The following SHCBP1 variants were observed in gnomAD, a reference collection of about 807,000 sequenced individuals.
SHCBP1 encodes the protein SHC SH2 domain-binding protein 1.
Under a neutral mutation model 75.1 loss-of-function variants are expected in SHCBP1, and 60 were observed. The ratio of observed to expected loss-of-function variants is 0.80; its 90% CI spans 0.65 to 0.99. SHCBP1 has a LOEUF of 0.99. SHCBP1 is among the 50% of genes least tolerant of loss of function. The pLI is 0.00. For missense variants in SHCBP1, 709 were observed against 809.4 expected (o/e 0.88, Z 1.50); for synonymous variants, 290 against 293.2 (o/e 0.99, Z 0.11).
rs1965297965 is a variant in SHCBP1, at chr16:46,604,613, T to C, written c.690-152A>G. 6 of 573,948 alleles carry C rather than the reference T, an allele frequency of 1.0e-5. No homozygotes were observed. The East Asian group carries it at 1.4e-4, about 14-fold the overall frequency. 35.6% of individuals were successfully genotyped at this position (573,948 alleles called of 1,614,324 possible). Reference sequence around the variant, plus strand: ...GTCTTTCTGAATAGCACTGTAATAATAATAATAATAAGTGGAAGCTGTTGA... The same window carrying C: ...GTCTTTCTGAATAGCACTGTAATAACAATAATAATAAGTGGAAGCTGTTGA... On this transcript the variant is annotated intron_variant, in intron 5 of 12. Transcript: ENST00000303383.
At chr16:46,615,765 T>G (rs1380588714) in intron 4 of SHCBP1, among the ~76,000 whole-genome samples, 181 bp downstream of exon 4, 1 of 152,086 alleles carries the variant, frequency 6.6e-6, no homozygotes, top group African/African-American at 2.4e-5. Context: ...AAAAAAAGAT[T>G]TAAAACATTT....
intron 10 of SHCBP1, among the ~76,000 whole-genome samples, chr16:46,586,695 T>A (rs1964959447): frequency 6.6e-6 from 1 of 152,046 alleles, no homozygotes; most frequent in Non-Finnish European, 1.5e-5. Context: ...AAAACAAAAA[T>A]CTTGAAAGCA....
intron 5 of SHCBP1, among the ~76,000 whole-genome samples, chr16:46,606,071 T>TA (rs1412273814): frequency 1.3e-5 from 2 of 152,188 alleles, no homozygotes; most frequent in African/African-American, 4.8e-5. Flanking sequence ...ACTCAAATTT[T>TA]AAAATAAGTC....
At chr16:46,620,758 C>T (rs1532752) in intron 1 of SHCBP1, 146,374 of 153,128 alleles carry the variant, frequency 0.96, 70,294 homozygotes, top group East Asian at 1. Context: ...ACTAGAAGAC[C>T]CCGGTTCTAT....
In SHCBP1 at chr16:46,595,356, T is replaced by G. The variant is rs1473262280; in HGVS notation, c.1464+196A>C. 2.0e-5 allele frequency among the ~76,000 whole-genome samples: 3 copies of G among 152,218 alleles called. No individual in the cohort carries two copies. In the East Asian group the frequency reaches 5.8e-4, roughly 29 times the overall value. Reference sequence around the variant, plus strand: ...CTCTTAAAGCTACATAAAGTCATTGTGAGATGTATTACTTTTCTTCCTATC... The same window carrying G: ...CTCTTAAAGCTACATAAAGTCATTGGGAGATGTATTACTTTTCTTCCTATC... On this transcript the variant is annotated intron_variant, in intron 10 of 12. Transcript: ENST00000303383.
intron 5 of SHCBP1, among the ~76,000 whole-genome samples, chr16:46,607,613 C>T (rs1042925357): frequency 6.6e-6 from 1 of 152,080 alleles, no homozygotes; most frequent in East Asian, 1.9e-4. Flanking sequence ...AAATTACCTT[C>T]TACAATTATT....
At chr16:46,615,852 G>C in intron 4 of SHCBP1, 94 bp downstream of exon 4, 1 of 1,083,038 alleles carries the variant, frequency 9.2e-7, no homozygotes, top group Non-Finnish European at 1.4e-6. Context: ...GTTTACAGTT[G>C]AGTTTTAAAT....
At chr16:46,612,251 T>C (rs902574205) in intron 4 of SHCBP1, among the ~76,000 whole-genome samples, 1 of 152,188 alleles carries the variant, frequency 6.6e-6, no homozygotes, top group African/African-American at 2.4e-5. Flanking sequence ...CAGTGAAACG[T>C]TGACTGAATA....
chr16:46,593,598 G>A (rs1965085858), intron 10 of SHCBP1, among the ~76,000 whole-genome samples: 1 of 152,124 alleles, frequency 6.6e-6, no homozygotes, highest in Non-Finnish European at 1.5e-5. Flanking sequence ...TTAGCTCAGT[G>A]TTGTGCCATG....
At chr16:46,594,117 T>C (rs1965096008) in intron 10 of SHCBP1, among the ~76,000 whole-genome samples, 1 of 151,948 alleles carries the variant, frequency 6.6e-6, no homozygotes. Context: ...AGAAAATGGA[T>C]CACAACCTTA....
chr16:46,610,734 T>C (rs1206227232), intron 4 of SHCBP1, among the ~76,000 whole-genome samples: 1 of 151,424 alleles, frequency 6.6e-6, no homozygotes, highest in African/African-American at 2.4e-5. Context: ...ATTTTTTGTA[T>C]TTTCAGTAGA....
rs1489141419 is a variant in SHCBP1 at position 46,607,296 on chromosome 16, A to C, written c.689+1001T>G. Among the ~76,000 whole-genome samples the C allele has an allele frequency of 2.0e-5, 3 of 152,212 alleles. No homozygotes were observed. In the East Asian group the frequency reaches 5.8e-4, roughly 29 times the overall value. ...CTTGAGCCCAGGAGATTGAGGCTGC[A>C]GTGAGTGACATCACACTGCTGCACT... On this transcript the variant is annotated intron_variant, in intron 5 of 12. Coordinates refer to ENST00000303383, the MANE Select transcript of SHCBP1 (RefSeq NM_024745.5).
At chr16:46,596,665 G>A (rs868749768) in intron 9 of SHCBP1, among the ~76,000 whole-genome samples, 3 of 144,890 alleles carry the variant, frequency 2.1e-5, no homozygotes, top group Non-Finnish European at 3.0e-5. Flanking sequence ...TGATTCACCC[G>A]CCTCAGCCTC....
chr16:46,610,826 T>C (rs945627472), intron 4 of SHCBP1, among the ~76,000 whole-genome samples: 5 of 151,930 alleles, frequency 3.3e-5, no homozygotes, highest in Admixed American at 6.6e-5. Flanking sequence ...CCCAGAGTGC[T>C]ACAATTACAG....
At chr16:46,598,444 G>A (rs1965177153) in intron 9 of SHCBP1, among the ~76,000 whole-genome samples, 1 of 152,102 alleles carries the variant, frequency 6.6e-6, no homozygotes, top group South Asian at 2.1e-4. Flanking sequence ...TTGTCAATAA[G>A]CAATCATATT....
Position 46,604,414 on chromosome 16 carries a change from T to C in SHCBP1, c.737A>G (p.Asp246Gly). 6.2e-7 allele frequency: 1 copy of C among 1,614,132 alleles called. No homozygotes were observed. Among genetic ancestry groups the C allele is most frequent in the Non-Finnish European group, 8.5e-7 (1 of 1,179,958 alleles). ...EDRVPSGLIV[D>G]YHNLLSQCEE... is the part of the protein sequence containing the mutation. ...ACATTGAGACAACAGATTGTGGTAG[T>C]CAACAATAAGTCCTGATGGAACTCG... Residue 246 changes from aspartate (D) to glycine (G), a missense_variant, in exon 6 of 13, where the codon GAC becomes GGC. Transcript: ENST00000303383.
chr16:46,599,480 T>C (rs992170119), intron 9 of SHCBP1, among the ~76,000 whole-genome samples: 5 of 151,968 alleles, frequency 3.3e-5, no homozygotes, highest in Non-Finnish European at 5.9e-5. Context: ...CCATCTTTTA[T>C]GGATGTGGTT....
At chr16:46,602,876 C>A (rs1410927842) in intron 8 of SHCBP1, among the ~76,000 whole-genome samples, 4 of 152,182 alleles carry the variant, frequency 2.6e-5, no homozygotes, top group African/African-American at 9.7e-5. Flanking sequence ...AGTGATCTGC[C>A]CACCTCGGCC....
At chr16:46,601,131 A>G (rs1965230247) in intron 8 of SHCBP1, among the ~76,000 whole-genome samples, 1 of 152,176 alleles carries the variant, frequency 6.6e-6, no homozygotes, top group Non-Finnish European at 1.5e-5. Context: ...CAACATGGAG[A>G]AACCCTGTCT....
Sources: gnomAD v4.1 joint callset for allele counts (sites outside exome capture counted in the v4.1 genomes callset) on GRCh38, gnomAD v4.1.1 for gene constraint, MANE v1.5 for transcripts, NCBI Gene and HGNC (gene_info 2026-07-23, HGNC 2026-07-21) for gene names.